The following MYOZ1 variants were observed in gnomAD, a reference collection of about 807,000 sequenced individuals.
MYOZ1 encodes the protein myozenin 1.
Under a neutral mutation model 28.7 loss-of-function variants are expected in MYOZ1, and 20 were observed. The ratio of observed to expected loss-of-function variants is 0.70; its 90% confidence interval spans 0.49 to 1.01. The LOEUF (loss-of-function observed/expected upper bound fraction) is 1.01, where lower values mean the gene tolerates loss of function less well. Ranked by LOEUF, MYOZ1 falls within the 50% of genes least tolerant of loss-of-function variation. The pLI is 0.00. For synonymous variants in MYOZ1, 144 were observed against 145.8 expected (o/e 0.99, Z 0.09); for missense variants, 371 against 372.4 (o/e 1.00, Z 0.03).
In MYOZ1 at chr10:73,634,014, A is replaced by G; in HGVS notation, c.554T>C (p.Ile185Thr). The change falls in exon 5 of 6, where the codon ATT (isoleucine) becomes ACT (threonine). Residue 185 changes from isoleucine to threonine, a missense_variant. Physicochemically the swap from Ile to Thr is moderately conservative, Grantham distance 89. Transcript: ENST00000359322. ...GKHITVFKTY[I>T]SPWERAMGVD... is the part of the protein sequence containing the mutation. ...CCCCATGGCTCGCTCCCATGGGGAA[A>G]TATAGGTCTTGAACACAGTGATATG... 6.2e-7 allele frequency: 1 copy of G among 1,614,006 alleles called. No homozygotes were observed. The highest frequency in any genetic ancestry group is 8.5e-7 in the Non-Finnish European group (1 of 1,179,958).
intron 3 of MYOZ1, among the ~76,000 whole-genome samples, chr10:73,636,581 G>C (rs2081668534): frequency 6.6e-6 from 1 of 151,848 alleles, no homozygotes; most frequent in African/African-American, 2.4e-5. Flanking sequence ...TCACCCTCCA[G>C]AGTAGCTGGG....
At chr10:73,640,457 A>C (rs1354686879) in intron 1 of MYOZ1, among the ~76,000 whole-genome samples, 1 of 152,164 alleles carries the variant, frequency 6.6e-6, no homozygotes, top group Admixed American at 6.5e-5. Flanking sequence ...ATTTTCAAAG[A>C]AGCATGTATT....
At chr10:73,640,739 T>A (rs2081698935) in intron 1 of MYOZ1, among the ~76,000 whole-genome samples, 1 of 152,182 alleles carries the variant, frequency 6.6e-6, no homozygotes, top group Non-Finnish European at 1.5e-5. Flanking sequence ...GATTCCAGGC[T>A]CTGGTCTCTC....
At position 73,631,637 on chromosome 10, in the gene MYOZ1, AT is replaced by A. The variant is rs1219514181; in HGVS notation, c.*292del. Reference sequence around the variant, plus strand: ...CCTCGGCTTTCATCTGCTCTCAAATATCAAAGGAAGAATGAGTTCATTTTCC... The same window carrying A: ...CCTCGGCTTTCATCTGCTCTCAAATACAAAGGAAGAATGAGTTCATTTTCC... On this transcript the variant is annotated 3_prime_UTR_variant, in exon 6 of 6. Transcript: ENST00000359322. 4 of 376,134 alleles carry A rather than the reference AT, an allele frequency of 1.1e-5. No homozygotes were observed. The East Asian group carries it at 2.2e-4, about 20-fold the overall frequency. 23.3% of individuals were successfully genotyped at this position (376,134 alleles called of 1,614,324 possible).
In MYOZ1 at chr10:73,634,026, A is replaced by AAC; in HGVS notation, c.540_541dup (p.Phe181CysfsTer59). 6.2e-7 allele frequency: 1 copy of AAC among 1,614,022 alleles called. No individual in the cohort carries two copies. The highest frequency in any genetic ancestry group is 8.5e-7 in the Non-Finnish European group (1 of 1,179,974). ...CTCCCATGGGGAAATATAGGTCTTG[A>AAC]ACACAGTGATATGTTTTCCTTCTCC... is the stretch of plus-strand genomic sequence containing the variant. On this transcript the variant is annotated frameshift_variant, in exon 5 of 6. Coordinates refer to ENST00000359322, the MANE Select transcript of MYOZ1 (RefSeq NM_021245.4). LOFTEE classifies it high-confidence loss of function.
chr10:73,634,068 G>C lies in MYOZ1; in HGVS notation c.503-3C>G, dbSNP rs778970654. The C allele has an allele frequency of 5.6e-6, 9 of 1,613,922 alleles. No homozygotes were observed. Among genetic ancestry groups the C allele is most frequent in the Non-Finnish European group, 7.6e-6 (9 of 1,179,942 alleles). ...TCCTTCTCCGCCTGCCTGGTCTCCT[G>C]GTAGCCATGGGAGAGAAAATTCAGT... On this transcript the variant is annotated splice_polypyrimidine_tract_variant and splice_region_variant and intron_variant, in intron 4 of 5. Coordinates refer to ENST00000359322, the MANE Select transcript of MYOZ1 (RefSeq NM_021245.4).
At chr10:73,639,830 C>T (rs2081692622) in intron 2 of MYOZ1, 115 bp downstream of exon 2, 9 of 1,045,272 alleles carry the variant, frequency 8.6e-6, no homozygotes, top group Non-Finnish European at 1.3e-5. Context: ...CATCACCCGC[C>T]TTCCCACCAC....
chr10:73,632,090 A>T lies in MYOZ1; in HGVS notation c.740T>A (p.Leu247Gln). 6.2e-7 allele frequency: 1 copy of T among 1,614,208 alleles called. No individual in the cohort carries two copies. The highest frequency in any genetic ancestry group is 8.5e-7 in the Non-Finnish European group (1 of 1,180,034). The change falls in exon 6 of 6, where the codon CTG (leucine) becomes CAG (glutamine). Residue 247 changes from leucine (L) to glutamine (Q), a missense_variant. Coordinates refer to ENST00000359322, the MANE Select transcript of MYOZ1 (RefSeq NM_021245.4). The stretch of plus-strand genomic sequence containing the variant: ...CAGGGGTTCACTCAGCAAGGGCCCC[A>T]GGTCAAACTTGGGCATCTGGAAGGT... ...RMTFQMPKFDLGPLLSEPLVL... is the reference protein window; with the variant it reads ...RMTFQMPKFDQGPLLSEPLVL...
Position 73,633,989 on chromosome 10 carries a change from C to T in MYOZ1, c.579G>A (p.Gly193=), listed in dbSNP as rs1458683401. The T allele has an allele frequency of 1.5e-5, 25 of 1,614,046 alleles. No individual in the cohort carries two copies. The highest frequency in any genetic ancestry group is 1.9e-5 in the Non-Finnish European group (23 of 1,179,954). Reference sequence around the variant, plus strand: ...GTTCCATTTTTTGCTGGGGGTCAACCCCCATGGCTCGCTCCCATGGGGAAA... The same window carrying T: ...GTTCCATTTTTTGCTGGGGGTCAACTCCCATGGCTCGCTCCCATGGGGAAA... ...TYISPWERAM[G]VDPQQKMELG... Residue 193 remains glycine, a synonymous_variant, in exon 5 of 6, where the codon GGG becomes GGA. Coordinates refer to ENST00000359322, the MANE Select transcript of MYOZ1 (RefSeq NM_021245.4).
intron 5 of MYOZ1, among the ~76,000 whole-genome samples, chr10:73,633,420 T>C (rs1307189578): frequency 1.3e-5 from 2 of 151,636 alleles, no homozygotes; most frequent in Non-Finnish European, 2.9e-5. Flanking sequence ...ACATGTAAAA[T>C]GTTATTCGCA....
intron 2 of MYOZ1, 133 bp from the exon 3 acceptor site, chr10:73,638,055 G>A (rs1280231318): frequency 3.8e-6 from 3 of 792,868 alleles, no homozygotes; most frequent in Admixed American, 5.3e-5. Flanking sequence ...AACAAATGCT[G>A]TCTAGTTTGT....
At chr10:73,634,202 T>C in intron 4 of MYOZ1, 137 bp from the exon 5 acceptor site, 2 of 1,133,748 alleles carry the variant, frequency 1.8e-6, no homozygotes, top group Non-Finnish European at 1.2e-6. Flanking sequence ...TGTATAAGGT[T>C]TGTGGCATAA....
intron 3 of MYOZ1, among the ~76,000 whole-genome samples, chr10:73,637,008 TTCTTTC>T (rs2081670813): frequency 1.4e-5 from 2 of 140,120 alleles, no homozygotes; most frequent in Admixed American, 1.4e-4. Context: ...TTTTTCTTTT[TTCTTTC>T]TTTTTTTTTT....
In MYOZ1 at chr10:73,637,842, G is replaced by A; in HGVS notation, c.154C>T (p.Leu52Phe). ...AACATCTTGGAGCCCCGGTTGGTAA[G>A]CAGCGACAGTTCCTCCAACATCACA... The part of the protein sequence containing the change: ...RDVMLEELSL[L>F]TNRGSKMFKL... Residue 52 changes from leucine (L) to phenylalanine (F), a missense_variant, in exon 3 of 6, where the codon CTT becomes TTT. Transcript: ENST00000359322. 1 of 1,614,114 alleles carries A rather than the reference G, an allele frequency of 6.2e-7. No individual in the cohort carries two copies. Among genetic ancestry groups the A allele is most frequent in the Non-Finnish European group, 8.5e-7 (1 of 1,180,022 alleles).
chr10:73,636,496 G>C (rs144056613), intron 3 of MYOZ1, among the ~76,000 whole-genome samples: 1,534 of 151,980 alleles, frequency 0.01, 11 homozygotes, highest in Non-Finnish European at 0.017. Flanking sequence ...TGTCACCCAG[G>C]CTGGAGTGCA....
In MYOZ1 at chr10:73,633,887, T is replaced by C. The variant is rs1564983390; in HGVS notation, c.668+13A>G. 2 of 1,594,246 alleles carry C rather than the reference T, an allele frequency of 1.3e-6. No homozygotes were observed. The highest frequency in any genetic ancestry group is 2.3e-5 in the South Asian group (2 of 88,764). On this transcript the variant is annotated intron_variant, in intron 5 of 5. Transcript: ENST00000359322. ...CACTAGAATGCATCTGGTTCCTTCC[T>C]CACCACCCCTACCTGTTGAAGGACT...
chr10:73,634,645 C>T lies in MYOZ1; in HGVS notation c.341G>A (p.Gly114Asp). 1 of 1,614,222 alleles carries T rather than the reference C, an allele frequency of 6.2e-7. No individual in the cohort carries two copies. The highest frequency in any genetic ancestry group is 1.1e-5 in the South Asian group (1 of 91,084). Residue 114 changes from glycine to aspartate, a missense_variant, in exon 4 of 6, where the codon GGC becomes GAC. Physicochemically the swap from Gly to Asp is moderately conservative, Grantham distance 94. Transcript: ENST00000359322. ...GCCACTGCCCCCTGCCTGGCTGCCGCCTCTGCCGTTGCTCTTGCTGTATGA... is the reference window on the plus strand; with the variant it reads ...GCCACTGCCCCCTGCCTGGCTGCCGTCTCTGCCGTTGCTCTTGCTGTATGA... ...GFSYSKSNGR[G>D]GSQAGGSGSA...
intron 5 of MYOZ1, among the ~76,000 whole-genome samples, chr10:73,633,126 A>G (rs2081645379): frequency 6.6e-6 from 1 of 151,988 alleles, no homozygotes; most frequent in African/African-American, 2.4e-5. Context: ...GTGAAACCCC[A>G]TCTCTACTAA....
At chr10:73,640,928 G>C (rs2081700174) in intron 1 of MYOZ1, among the ~76,000 whole-genome samples, 1 of 152,180 alleles carries the variant, frequency 6.6e-6, no homozygotes, top group Non-Finnish European at 1.5e-5. Flanking sequence ...AGACCCCAGA[G>C]TGGAGGCAGG....
Sources: allele counts gnomAD v4.1 joint callset (sites outside exome capture counted in the v4.1 genomes callset), GRCh38; gene constraint gnomAD v4.1.1; transcripts MANE v1.5; gene names NCBI Gene and HGNC (gene_info 2026-07-23, HGNC 2026-07-21).